Variants in WFDC11 observed in about 807,000 individuals in gnomAD.
The protein encoded by WFDC11 is protein WFDC11.
A neutral mutation model predicts 9.9 loss-of-function variants in WFDC11; 9 were observed. The observed-to-expected ratio is 0.91, with a 90% confidence interval of 0.55 to 1.58. The LOEUF is 1.58. WFDC11 is among the 40% of genes most tolerant of loss of function. The pLI, the probability that WFDC11 is intolerant of heterozygous loss-of-function variation, is 0.00. For missense variants in WFDC11, 106 were observed against 101.7 expected, an observed-to-expected ratio of 1.04 and a Z score of -0.18; for synonymous variants, 32 against 33.3, an observed-to-expected ratio of 0.96 and a Z score of 0.13.
chr20:45,663,792 C>G (rs1167556375), intron 2 of WFDC11, among the ~76,000 whole-genome samples: 1 of 152,136 alleles, frequency 6.6e-6, no homozygotes, highest in Non-Finnish European at 1.5e-5. Context: ...GTCTGAGAGA[C>G]AGTTTGTTGT....
Position 45,648,696 on chromosome 20 carries a change from C to A in WFDC11, c.*23G>T, listed in dbSNP as rs185949776. Reference sequence around the variant, plus strand: ...AACATTTCCCAGCCCACACAGGTGGCAGCCTGGTGGGAAGCTACGGTTTTA... The same window carrying A: ...AACATTTCCCAGCCCACACAGGTGGAAGCCTGGTGGGAAGCTACGGTTTTA... On this transcript the variant is annotated 3_prime_UTR_variant, in exon 5 of 5. Coordinates refer to ENST00000324384, the MANE Select transcript of WFDC11 (RefSeq NM_147197.2). 321 of 1,614,118 alleles carry A rather than the reference C, an allele frequency of 2.0e-4. 1 individual carries two copies. In the East Asian group the frequency reaches 7.0e-3, roughly 35 times the overall value.
intron 2 of WFDC11, among the ~76,000 whole-genome samples, chr20:45,665,277 G>T (rs182082241): frequency 1.4e-4 from 22 of 152,226 alleles, no homozygotes; most frequent in Non-Finnish European, 2.6e-4. Context: ...GGTCATTTAA[G>T]GTCTTCTCTA....
At chr20:45,664,966 T>C (rs937308325) in intron 2 of WFDC11, among the ~76,000 whole-genome samples, 6 of 152,246 alleles carry the variant, frequency 3.9e-5, no homozygotes, top group African/African-American at 1.4e-4. Flanking sequence ...TGGCCTGCCT[T>C]GCTAGGTTGC....
intron 2 of WFDC11, among the ~76,000 whole-genome samples, chr20:45,650,904 CA>C (rs1402182644): frequency 1.3e-5 from 2 of 152,160 alleles, no homozygotes; most frequent in South Asian, 2.1e-4. Context: ...ATTCAGCTTA[CA>C]AAAAAATTTT....
chr20:45,651,786 T>C (rs1568661156), intron 2 of WFDC11, among the ~76,000 whole-genome samples: 2 of 152,198 alleles, frequency 1.3e-5, no homozygotes, highest in Admixed American at 1.3e-4. Context: ...ACCAGGAGAT[T>C]ATATCCCATG....
intron 2 of WFDC11, among the ~76,000 whole-genome samples, chr20:45,658,184 T>G (rs1246793189): frequency 6.6e-6 from 1 of 152,138 alleles, no homozygotes; most frequent in Non-Finnish European, 1.5e-5. Flanking sequence ...TCCAATAGTT[T>G]CCACTGGCCT....
chr20:45,649,295 A>G lies in WFDC11; in HGVS notation c.205T>C (p.Cys69Arg). ...FRCKDKNYTC[C>R]WTYCGNICWI... ...CAGATGTTTCCACAATAGGTCCAGC[A>G]GCATGTGTAATTTTTGTCTTTACAT... is the stretch of plus-strand genomic sequence containing the variant. Residue 69 changes from cysteine (C) to arginine (R), a missense_variant, in exon 4 of 5, where the codon TGC (cysteine) becomes CGC (arginine). By Grantham distance (180) the Cys-to-Arg change is radical. Coordinates refer to ENST00000324384, the MANE Select transcript of WFDC11 (RefSeq NM_147197.2). 1 of 1,614,184 alleles carries G rather than the reference A, an allele frequency of 6.2e-7. No homozygotes were observed. The highest frequency in any genetic ancestry group is 1.7e-5 in the Admixed American group (1 of 60,022).
chr20:45,648,927 G>C lies in WFDC11; in HGVS notation c.244-188C>G, dbSNP rs188999211. ...AAAAAAGGTGGAGACTTTGGGCCTG[G>C]CTGAGCCAAATGGCCCATGGGAAAG... is the stretch of plus-strand genomic sequence containing the variant. On this transcript the variant is annotated intron_variant, in intron 4 of 4. Coordinates refer to ENST00000324384, the MANE Select transcript of WFDC11 (RefSeq NM_147197.2). Among the ~76,000 whole-genome samples the C allele has an allele frequency of 7.9e-5, 12 of 152,302 alleles. No homozygotes were observed. In the East Asian group the frequency reaches 2.3e-3, roughly 29 times the overall value.
chr20:45,663,066 G>T (rs537876000), intron 2 of WFDC11, among the ~76,000 whole-genome samples: 1 of 152,002 alleles, frequency 6.6e-6, no homozygotes, highest in East Asian at 1.9e-4. Flanking sequence ...TTTTTTGGTT[G>T]GTAGGCTATT....
chr20:45,661,813 T>G (rs2145621888), intron 2 of WFDC11, among the ~76,000 whole-genome samples: 1 of 152,310 alleles, frequency 6.6e-6, no homozygotes, highest in African/African-American at 2.4e-5. Context: ...CTGTTTTGGT[T>G]ACTGTAGCCT....
intron 2 of WFDC11, among the ~76,000 whole-genome samples, chr20:45,659,144 G>A (rs1982999258): frequency 6.6e-6 from 1 of 152,180 alleles, no homozygotes; most frequent in Non-Finnish European, 1.5e-5. Context: ...CCAAGTCTTT[G>A]CTATTGTAAA....
chr20:45,652,900 T>G (rs903155395), intron 2 of WFDC11, among the ~76,000 whole-genome samples: 1 of 152,090 alleles, frequency 6.6e-6, no homozygotes, highest in African/African-American at 2.4e-5. Flanking sequence ...TAAAAACAAA[T>G]GAACAAAGCC....
At chr20:45,661,268 G>GT (rs1020118336) in intron 2 of WFDC11, among the ~76,000 whole-genome samples, 4 of 152,018 alleles carry the variant, frequency 2.6e-5, no homozygotes, top group Non-Finnish European at 4.4e-5. Flanking sequence ...GGGGTTGTTT[G>GT]TTTTTTTCTT....
At chr20:45,657,099 T>A (rs568073337) in intron 2 of WFDC11, among the ~76,000 whole-genome samples, 7 of 152,210 alleles carry the variant, frequency 4.6e-5, no homozygotes, top group South Asian at 4.1e-4. Flanking sequence ...ACCCAAAGGA[T>A]TATAAATCAT....
chr20:45,654,689 A>T (rs1206618082), intron 2 of WFDC11, among the ~76,000 whole-genome samples: 1 of 151,840 alleles, frequency 6.6e-6, no homozygotes, highest in Non-Finnish European at 1.5e-5. Flanking sequence ...TGCTAGCAAG[A>T]CTAATAAAGA....
intron 2 of WFDC11, among the ~76,000 whole-genome samples, chr20:45,658,055 T>C (rs909360985): frequency 6.6e-6 from 1 of 152,168 alleles, no homozygotes; most frequent in African/African-American, 2.4e-5. Context: ...AAGATATAAC[T>C]GACATATAAA....
At chr20:45,653,239 ACT>A (rs1442873832) in intron 2 of WFDC11, among the ~76,000 whole-genome samples, 6 of 152,136 alleles carry the variant, frequency 3.9e-5, no homozygotes, top group Non-Finnish European at 5.9e-5. Flanking sequence ...CTCGGCAGAA[ACT>A]CTACAAGCCA....
intron 2 of WFDC11, among the ~76,000 whole-genome samples, chr20:45,661,986 T>C (rs1261629997): frequency 6.6e-6 from 1 of 152,218 alleles, no homozygotes; most frequent in Non-Finnish European, 1.5e-5. Context: ...TGGATGGCAT[T>C]GAATCTATAA....
chr20:45,663,466 TA>T (rs1983118448), intron 2 of WFDC11, among the ~76,000 whole-genome samples: 1 of 152,226 alleles, frequency 6.6e-6, no homozygotes, highest in African/African-American at 2.4e-5. Context: ...TGCCTTCTGC[TA>T]GCTTTTGAAT....
Sources: allele counts gnomAD v4.1 joint callset (sites outside exome capture counted in the v4.1 genomes callset), GRCh38; gene constraint gnomAD v4.1.1; transcripts MANE v1.5; gene names NCBI Gene and HGNC (gene_info 2026-07-23, HGNC 2026-07-21).